Variants in RGS7 observed in about 807,000 individuals in gnomAD.
RGS7 encodes regulator of G-protein signaling 7.
RGS7 carries 27 observed loss-of-function variants against 81.1 expected under a neutral mutation model. The observed-to-expected ratio is 0.33, with a 90% confidence interval of 0.25 to 0.46. The LOEUF is 0.46. Among genes scored for constraint, RGS7 ranks in the 20% least tolerant of loss-of-function variants. The pLI is 1.00. For missense variants in RGS7, 396 were observed against 607.4 expected, an observed-to-expected ratio of 0.65 and a Z score of 3.66; for synonymous variants, 208 against 207.7, an observed-to-expected ratio of 1.00 and a Z score of -0.01.
intron 3 of RGS7, among the ~76,000 whole-genome samples, chr1:241,093,908 A>G (rs761739682): frequency 3.9e-5 from 6 of 152,086 alleles, no homozygotes; most frequent in Admixed American, 1.3e-4. Flanking sequence ...GTATAATTAG[A>G]AGAAATATTG....
intron 3 of RGS7, among the ~76,000 whole-genome samples, chr1:241,094,413 C>T (rs2064108662): frequency 6.6e-6 from 1 of 152,176 alleles, no homozygotes; most frequent in Non-Finnish European, 1.5e-5. Flanking sequence ...TCACATACAA[C>T]CTGTGCAGCT....
At chr1:240,974,497 C>T (rs181285519) in intron 4 of RGS7, among the ~76,000 whole-genome samples, 4 of 152,244 alleles carry the variant, frequency 2.6e-5, no homozygotes, top group Admixed American at 6.5e-5. Flanking sequence ...ATTGATTGAC[C>T]GTGGCACTTC....
At chr1:241,052,927 T>C (rs1297053438) in intron 3 of RGS7, among the ~76,000 whole-genome samples, 3 of 151,968 alleles carry the variant, frequency 2.0e-5, no homozygotes, top group Non-Finnish European at 2.9e-5. Flanking sequence ...ATTCCCATCA[T>C]CCTCTGCTTG....
In RGS7 at chr1:241,240,771, T is replaced by C. The variant is rs184619606; in HGVS notation, c.78+114928A>G. On this transcript the variant is annotated intron_variant, in intron 2 of 18. Coordinates refer to ENST00000440928, the MANE Select transcript of RGS7 (RefSeq NM_001364886.1). ...CTACAGTGTTTTATGACATATAGTT[T>C]TAAATTATAACATTAAAAATATAGG... is the stretch of plus-strand genomic sequence containing the variant. 1.8e-4 allele frequency among the ~76,000 whole-genome samples: 28 copies of C among 152,308 alleles called. No individual in the cohort carries two copies. The East Asian group carries it at 5.4e-3, about 29-fold the overall frequency.
rs893351206 is a variant in RGS7 at position 241,273,708 on chromosome 1, C to T, written c.78+81991G>A. ...GACTTCTGCAGTGTACTTGGTGAGGCCTAAAGTGCCTCAAAGGGATTTCTT... is the reference window on the plus strand; with the variant it reads ...GACTTCTGCAGTGTACTTGGTGAGGTCTAAAGTGCCTCAAAGGGATTTCTT... On this transcript the variant is annotated intron_variant, in intron 2 of 18. Transcript: ENST00000440928. 2.6e-5 allele frequency among the ~76,000 whole-genome samples: 4 copies of T among 152,120 alleles called. No individual in the cohort carries two copies. In the East Asian group the frequency reaches 7.7e-4, roughly 29 times the overall value.
chr1:240,816,201 GAAAC>G, intron 11 of RGS7, 112 bp downstream of exon 11: 1 of 749,828 alleles, frequency 1.3e-6, no homozygotes, highest in East Asian at 2.5e-5. Context: ...TCTTCCACAT[GAAAC>G]AGTCAGTCAT....
chr1:241,348,272 G>A (rs1343350512), intron 2 of RGS7, among the ~76,000 whole-genome samples: 1 of 152,200 alleles, frequency 6.6e-6, no homozygotes, highest in African/African-American at 2.4e-5. Context: ...AGGACTTCCA[G>A]CTAAGATCAG....
chr1:241,178,463 C>G (rs987717233), intron 2 of RGS7, among the ~76,000 whole-genome samples: 9 of 152,094 alleles, frequency 5.9e-5, no homozygotes, highest in Non-Finnish European at 2.9e-5. Context: ...GAGAAACAAC[C>G]AGGGCCCAAG....
At chr1:240,855,820 T>C (rs921718544) in intron 9 of RGS7, among the ~76,000 whole-genome samples, 8 of 152,176 alleles carry the variant, frequency 5.3e-5, no homozygotes, top group Admixed American at 2.0e-4. Flanking sequence ...ACACCCACCA[T>C]AGCATTTAGA....
intron 3 of RGS7, among the ~76,000 whole-genome samples, chr1:241,075,074 C>T (rs1398271260): frequency 6.6e-6 from 1 of 152,060 alleles, no homozygotes; most frequent in East Asian, 1.9e-4. Context: ...ATAGCCTCTA[C>T]AGAAAGAGTA....
At chr1:241,113,707 C>G (rs933017082) in intron 2 of RGS7, among the ~76,000 whole-genome samples, 7 of 152,124 alleles carry the variant, frequency 4.6e-5, no homozygotes, top group Non-Finnish European at 1.0e-4. Context: ...AATAATTTAG[C>G]CTCTCTGGGC....
intron 6 of RGS7, among the ~76,000 whole-genome samples, chr1:240,878,890 C>T (rs572320192): frequency 6.6e-6 from 1 of 152,142 alleles, no homozygotes; most frequent in Non-Finnish European, 1.5e-5. Flanking sequence ...TTAGTCATAT[C>T]CCTATTACTA....
intron 2 of RGS7, among the ~76,000 whole-genome samples, chr1:241,319,683 C>A (rs1235860914): frequency 6.6e-6 from 1 of 152,020 alleles, no homozygotes; most frequent in Non-Finnish European, 1.5e-5. Flanking sequence ...AACCACCATG[C>A]CTGACCCAAA....
chr1:241,028,686 G>A lies in RGS7; in HGVS notation c.176-45557C>T, dbSNP rs145377593. Among the ~76,000 whole-genome samples, 914 of 152,282 alleles carry A rather than the reference G, an allele frequency of 6.0e-3. 8 individuals carry two copies. Among genetic ancestry groups the A allele is most frequent in the African/African-American group, 0.017 (707 of 41,554 alleles). On this transcript the variant is annotated intron_variant, in intron 3 of 18. Transcript: ENST00000440928. ...CAGCGAGGGCCCAGGGAGGCGCAGG[G>A]ACTGGAGCTGAGGGCACAGACACCC... is the stretch of plus-strand genomic sequence containing the variant.
intron 3 of RGS7, among the ~76,000 whole-genome samples, chr1:241,016,383 C>T (rs35660797): frequency 0.053 from 8,032 of 151,624 alleles, 497 homozygotes; most frequent in African/African-American, 0.15. Context: ...CTGGGTGTGG[C>T]GGCATGCACC....
intron 3 of RGS7, among the ~76,000 whole-genome samples, chr1:240,989,691 CA>C (rs1326435626): frequency 2.0e-5 from 3 of 152,046 alleles, no homozygotes. Context: ...GAGGCATCGA[CA>C]TTTTTTTAAT....
Position 241,197,964 on chromosome 1 carries a change from T to TCTAC in RGS7, c.79-99206_79-99203dup, listed in dbSNP as rs111385917. Among the ~76,000 whole-genome samples the TCTAC allele has an allele frequency of 4.1e-3, 625 of 150,966 alleles. 11 individuals carry two copies. Among genetic ancestry groups the TCTAC allele is most frequent in the African/African-American group, 0.015 (602 of 41,260 alleles). Reference sequence around the variant, plus strand: ...ATCTATCTATCTATCTATCTATCTGTCTACCTACCTACCTACCTACCTAGT... The same window carrying TCTAC: ...ATCTATCTATCTATCTATCTATCTGTCTACCTACCTACCTACCTACCTACCTAGT... On this transcript the variant is annotated intron_variant, in intron 2 of 18. Coordinates refer to ENST00000440928, the MANE Select transcript of RGS7 (RefSeq NM_001364886.1).
chr1:240,776,613 T>C (rs1425257523), intron 18 of RGS7, among the ~76,000 whole-genome samples: 2 of 152,234 alleles, frequency 1.3e-5, no homozygotes, highest in Non-Finnish European at 1.5e-5. Flanking sequence ...CTCTGAAAGA[T>C]AATGTGAGTG....
intron 2 of RGS7, among the ~76,000 whole-genome samples, chr1:241,133,089 T>C (rs1055648573): frequency 6.6e-6 from 1 of 152,174 alleles, no homozygotes; most frequent in African/African-American, 2.4e-5. Flanking sequence ...TAGAATACAT[T>C]TTCTACAGAA....
Sources: allele counts gnomAD v4.1 joint callset (sites outside exome capture counted in the v4.1 genomes callset), GRCh38; gene constraint gnomAD v4.1.1; transcripts MANE v1.5; gene names NCBI Gene and HGNC (gene_info 2026-07-23, HGNC 2026-07-21).